Variants in CSF2RB observed in about 807,000 individuals in gnomAD.
The protein encoded by CSF2RB is colony stimulating factor 2 receptor subunit beta.
CSF2RB carries 22 observed loss-of-function variants against 67.2 expected under a neutral mutation model. The observed-to-expected ratio is 0.33, with a 90% CI of 0.23 to 0.47. The LOEUF (loss-of-function observed/expected upper bound fraction) is 0.47, where lower values mean the gene tolerates loss of function less well. CSF2RB is among the 20% of genes least tolerant of loss of function. The pLI is 1.00. For synonymous variants in CSF2RB, 507 were observed against 482.9 expected, an observed-to-expected ratio of 1.05 and a Z score of -0.65; for missense variants, 1,113 against 1,174.5, an observed-to-expected ratio of 0.95 and a Z score of 0.76.
In CSF2RB at chr22:36,937,423, A is replaced by G. The variant is rs768796408; in HGVS notation, c.1615A>G (p.Ile539Val). 1 of 1,613,894 alleles carries G rather than the reference A, an allele frequency of 6.2e-7. No individual in the cohort carries two copies. Among genetic ancestry groups the G allele is most frequent in the Non-Finnish European group, 8.5e-7 (1 of 1,179,944 alleles). ...GGACAGCGAGGTGTCACCTCTCACC[A>G]TAGAGGACCCCAAGCATGTCTGTGA... Reference protein sequence around the residue: ...FGDSEVSPLTIEDPKHVCDPP... With the variant: ...FGDSEVSPLTVEDPKHVCDPP... The change falls in exon 14 of 14, where the codon ATA (isoleucine) becomes GTA (valine). Residue 539 changes from isoleucine to valine, a missense_variant. Ile to Val is a conservative substitution (Grantham distance 29, BLOSUM62 3). Transcript: ENST00000403662. This position sits in a 1 kb window ranked among gnomAD's most constrained non-coding sequence, Gnocchi z 4.6.
rs200588212 is a variant in CSF2RB, at chr22:36,922,267, C to A, written c.60C>A (p.Ser20Arg). The A allele has an allele frequency of 3.0e-4, 467 of 1,578,894 alleles. 3 individuals are homozygous for A. The East Asian group carries it at 8.9e-3, about 30-fold the overall frequency. The change falls in exon 2 of 14, where the codon AGC (serine) becomes AGA (arginine). Residue 20 changes from serine (S) to arginine (R), a missense_variant. By Grantham distance (110) the Ser-to-Arg change is moderately radical. Transcript: ENST00000403662. ...TGCTGGCCCTGTGCTGGGAGCGCAG[C>A]CTGGCAGGGGCAGAAGGTGAGTCCC... is the stretch of plus-strand genomic sequence containing the variant. The part of the protein sequence containing the change: ...MALLALCWER[S>R]LAGAEETIPL...
In CSF2RB at chr22:36,939,640, T is replaced by A. The variant is rs981924443; in HGVS notation, c.*1138T>A. On this transcript the variant is annotated 3_prime_UTR_variant, in exon 14 of 14. Transcript: ENST00000403662. ...ATCTTAGGCATCGATTGGTATTTTT[T>A]AACTGGGCCAAGCCCATTAAGGTCT... is the stretch of plus-strand genomic sequence containing the variant. The A allele has an allele frequency of 5.1e-6, 1 of 194,238 alleles. No homozygotes were observed. Among genetic ancestry groups the A allele is most frequent in the African/African-American group, 2.3e-5 (1 of 43,280 alleles). 12.0% of individuals were successfully genotyped at this position (194,238 alleles called of 1,614,324 possible).
intron 12 of CSF2RB, 63 bp downstream of exon 12, chr22:36,935,750 C>A (rs1941253841): frequency 6.5e-7 from 1 of 1,535,250 alleles, no homozygotes; most frequent in Non-Finnish European, 8.9e-7. Flanking sequence ...TTGTCTCTGT[C>A]CCCACCTCCT....
chr22:36,922,649 G>A, intron 2 of CSF2RB: 1 of 409,800 alleles, frequency 2.4e-6, no homozygotes, highest in East Asian at 4.9e-5. Flanking sequence ...GCAGGGCCTT[G>A]GCTGGGGTTC....
intron 1 of CSF2RB, among the ~76,000 whole-genome samples, chr22:36,919,284 T>C (rs1306070125): frequency 6.6e-6 from 1 of 152,248 alleles, no homozygotes; most frequent in Non-Finnish European, 1.5e-5. Context: ...TTTGAATTTC[T>C]TTCCCAAACC....
intron 1 of CSF2RB, among the ~76,000 whole-genome samples, chr22:36,917,423 C>A (rs1352690891): frequency 1.3e-5 from 2 of 152,190 alleles, no homozygotes; most frequent in South Asian, 2.1e-4. Flanking sequence ...TTTATCCCTG[C>A]CATTCAATTT....
Position 36,929,684 on chromosome 22 carries a change from C to T in CSF2RB, c.595C>T (p.Pro199Ser), listed in dbSNP as rs150587930. Reference protein sequence around the residue: ...LSNTSQATLGPEHLMPSSTYV... With the variant: ...LSNTSQATLGSEHLMPSSTYV... ...CAACACCTCCCAGGCCACCCTGGGG[C>T]CAGAGCACCTCATGCCCAGCAGCAC... The change falls in exon 6 of 14, where the codon CCA becomes TCA. Residue 199 changes from proline to serine, a missense_variant. Pro to Ser is a moderately conservative substitution (Grantham distance 74). Around this residue, in one of 2 missense-constraint regions of CSF2RB, gnomAD observed 559 missense variants for 656.5 expected, o/e 0.85. Transcript: ENST00000403662. The T allele has an allele frequency of 6.8e-6, 11 of 1,614,112 alleles. No homozygotes were observed. The highest frequency in any genetic ancestry group is 1.6e-4 in the Middle Eastern group (1 of 6,084).
chr22:36,925,000 T>C (rs887765577), intron 3 of CSF2RB, among the ~76,000 whole-genome samples: 9 of 152,168 alleles, frequency 5.9e-5, no homozygotes, highest in Admixed American at 4.6e-4. Flanking sequence ...CCTCCAGGCG[T>C]ACTGGCCTCT....
Position 36,937,947 on chromosome 22 carries a change from C to A in CSF2RB, c.2139C>A (p.Ser713=), listed in dbSNP as rs375943385. The change falls in exon 14 of 14, where the codon TCC becomes TCA. Residue 713 remains serine, a synonymous_variant. Coordinates refer to ENST00000403662, the MANE Select transcript of CSF2RB (RefSeq NM_000395.3). This position sits in a 1 kb window ranked among gnomAD's most constrained non-coding sequence, Gnocchi z 4.6. ...CTGGAGTGGCCTCTGGTTATGTCTC[C>A]TCTGCAGACCTGGTATTCACCCCAA... The part of the protein sequence containing the change: ...EDPGVASGYV[S]SADLVFTPNS... The A allele has an allele frequency of 2.2e-5, 36 of 1,614,158 alleles. No homozygotes were observed. The East Asian group carries it at 3.3e-4, about 15-fold the overall frequency.
rs775671812 is a variant in CSF2RB, at chr22:36,933,822, C to T, written c.1153-10C>T. On this transcript the variant is annotated splice_polypyrimidine_tract_variant and intron_variant, in intron 9 of 13. Coordinates refer to ENST00000403662, the MANE Select transcript of CSF2RB (RefSeq NM_000395.3). ...CCGGGCCAGGCCTCACCCTCAGTGC[C>T]AACCCACAGGACAGCAAGACCGAGA... 8 of 1,604,074 alleles carry T rather than the reference C, an allele frequency of 5.0e-6. No homozygotes were observed. Among genetic ancestry groups the T allele is most frequent in the Non-Finnish European group, 5.1e-6 (6 of 1,178,254 alleles).
rs567882451 is a variant in CSF2RB, at chr22:36,938,797, C to T, written c.*295C>T. The T allele has an allele frequency of 6.6e-4, 359 of 544,788 alleles. No homozygotes were observed. In the Middle Eastern group the frequency reaches 0.01, roughly 16 times the overall value. The allele number at this position is 544,788 out of a possible 1,614,324, so 33.7% of individuals were successfully genotyped here. On this transcript the variant is annotated 3_prime_UTR_variant, in exon 14 of 14. Transcript: ENST00000403662. ...CTAGATATACTCATTCCATCTCCCC[C>T]TCATTTTTTTAATCAGGTTTCCTTG...
At chr22:36,914,819 G>A (rs1212580931) in intron 1 of CSF2RB, among the ~76,000 whole-genome samples, 1 of 151,292 alleles carries the variant, frequency 6.6e-6, no homozygotes, top group Non-Finnish European at 1.5e-5. Context: ...TATTTATATT[G>A]TTCCAGTATA....
chr22:36,928,850 G>A (rs75544906), intron 4 of CSF2RB, among the ~76,000 whole-genome samples: 1 of 152,280 alleles, frequency 6.6e-6, no homozygotes, highest in Non-Finnish European at 1.5e-5. Context: ...CAGAAGCATA[G>A]GAATCCCTCA....
At chr22:36,922,984 C>T (rs903646000) in intron 2 of CSF2RB, among the ~76,000 whole-genome samples, 36 of 152,152 alleles carry the variant, frequency 2.4e-4, no homozygotes, top group Non-Finnish European at 4.4e-5. Context: ...GGACCGTGCC[C>T]AGGAACAGCA....
intron 3 of CSF2RB, among the ~76,000 whole-genome samples, chr22:36,924,436 T>C (rs1940961431): frequency 3.3e-5 from 5 of 152,196 alleles, no homozygotes; most frequent in South Asian, 4.1e-4. Context: ...CTTTCCCAAT[T>C]GCCTTGCAAA....
intron 4 of CSF2RB, 43 bp from the exon 5 acceptor site, chr22:36,929,359 C>G: frequency 6.2e-7 from 1 of 1,613,788 alleles, no homozygotes; most frequent in East Asian, 2.2e-5. Flanking sequence ...GACTGCCCCC[C>G]AGCGGTCCAG....
intron 6 of CSF2RB, among the ~76,000 whole-genome samples, chr22:36,930,010 AGTTTTCTGCAC>A (rs1941114415): frequency 1.3e-5 from 2 of 152,162 alleles, no homozygotes; most frequent in Admixed American, 6.5e-5. Context: ...TTGGGTTTCC[AGTTTTCTGCAC>A]GTTCTCTGCC....
Position 36,938,329 on chromosome 22 carries a change from T to G in CSF2RB, c.2521T>G (p.Ser841Ala). 3 of 1,613,980 alleles carry G rather than the reference T, an allele frequency of 1.9e-6. No individual in the cohort carries two copies. Among genetic ancestry groups the G allele is most frequent in the Non-Finnish European group, 2.5e-6 (3 of 1,179,982 alleles). ...GPLSLRSKPS[S>A]PGPGPEIKNL... ...TCTCTCGCTCCGGAGTAAACCTTCT[T>G]CCCCGGGACCCGGTCCTGAGATCAA... The change falls in exon 14 of 14, where the codon TCC (serine) becomes GCC (alanine). Residue 841 changes from serine to alanine, a missense_variant. This residue lies in a region of CSF2RB where 554 missense variants were observed against 517.9 expected (regional missense o/e 1.07). Coordinates refer to ENST00000403662, the MANE Select transcript of CSF2RB (RefSeq NM_000395.3).
At position 36,936,074 on chromosome 22, in the gene CSF2RB, G is replaced by T. The variant is rs881032; in HGVS notation, c.1464+387G>T. 8.5e-3 allele frequency among the ~76,000 whole-genome samples: 1,293 copies of T among 152,322 alleles called. 17 individuals are homozygous for T. The highest frequency in any genetic ancestry group is 0.029 in the African/African-American group (1,216 of 41,562). On this transcript the variant is annotated intron_variant, in intron 12 of 13. Coordinates refer to ENST00000403662, the MANE Select transcript of CSF2RB (RefSeq NM_000395.3). ...CCAGTGGTGCCAGGTGGCAAAAGTT[G>T]CTCTGGCTCAGGGCATCTTGAGGGT...
Sources: allele counts gnomAD v4.1 joint callset (sites outside exome capture counted in the v4.1 genomes callset), GRCh38; gene constraint gnomAD v4.1.1; regional missense constraint gnomAD v4.1.1; non-coding constraint Gnocchi (gnomAD v3.1); transcripts MANE v1.5; gene names NCBI Gene and HGNC (gene_info 2026-07-23, HGNC 2026-07-21).